ETHE1: variants seen among roughly 807,000 people sequenced by gnomAD.
ETHE1 encodes persulfide dioxygenase ETHE1, mitochondrial.
Under a neutral mutation model 25.7 loss-of-function variants are expected in ETHE1, and 16 were observed. The observed-to-expected ratio is 0.62, with a 90% CI of 0.42 to 0.95. The LOEUF is 0.95. ETHE1 is among the 40% of genes least tolerant of loss of function. The pLI, the probability that ETHE1 is intolerant of heterozygous loss-of-function variation, is 0.00. For missense variants in ETHE1, 300 were observed against 333.6 expected (o/e 0.90, Z 0.79); for synonymous variants, 139 against 135.9 (o/e 1.02, Z -0.16).
intron 6 of ETHE1, among the ~76,000 whole-genome samples, chr19:43,507,305 GT>G (rs1971797447): frequency 7.2e-6 from 1 of 138,592 alleles, no homozygotes; most frequent in Non-Finnish European, 1.6e-5. Context: ...AGACCCAGGA[GT>G]CCAGGCCCCC....
At chr19:43,519,016 T>G (rs1329227517) in intron 3 of ETHE1, among the ~76,000 whole-genome samples, 2 of 100,782 alleles carry the variant, frequency 2.0e-5, no homozygotes, top group African/African-American at 8.3e-5. Context: ...TTTTTTTTTT[T>G]TTTTTTTTTT....
At chr19:43,526,024 T>A in intron 3 of ETHE1, 177 bp downstream of exon 3, 2 of 851,376 alleles carry the variant, frequency 2.3e-6, no homozygotes, top group Non-Finnish European at 3.7e-6. Context: ...CTTGCCCCAG[T>A]GCCCCACCTG....
chr19:43,522,915 T>C (rs2682567), intron 3 of ETHE1, among the ~76,000 whole-genome samples: 31,267 of 152,102 alleles, frequency 0.21, 3,301 homozygotes, highest in Non-Finnish European at 0.23. Context: ...CTGTAAAAAC[T>C]GAAAATATTT....
chr19:43,522,560 T>A (rs181265583), intron 3 of ETHE1, among the ~76,000 whole-genome samples: 1 of 152,336 alleles, frequency 6.6e-6, no homozygotes, highest in African/African-American at 2.4e-5. Context: ...CACTGCAACC[T>A]CCACCTCCCG....
chr19:43,508,910 A>G (rs1419318919), intron 4 of ETHE1, 46 bp from the exon 5 acceptor site: 14 of 1,415,240 alleles, frequency 9.9e-6, no homozygotes, highest in Non-Finnish European at 1.4e-5. Flanking sequence ...AGGACAGAAG[A>G]CTCTAACCCC....
rs567375991 is a variant in ETHE1 at position 43,519,353 on chromosome 19, T to C, written c.375+6848A>G. ...TATATTTTGTACTATTATTTCAATGTAGATTTTAAAAAATTCAAAATAAGA... is the reference window on the plus strand; with the variant it reads ...TATATTTTGTACTATTATTTCAATGCAGATTTTAAAAAATTCAAAATAAGA... On this transcript the variant is annotated intron_variant, in intron 3 of 6. Coordinates refer to ENST00000292147, the MANE Select transcript of ETHE1 (RefSeq NM_014297.5). Among the ~76,000 whole-genome samples the C allele has an allele frequency of 7.9e-4, 121 of 152,272 alleles. 1 individual carries two copies. Among genetic ancestry groups the C allele is most frequent in the South Asian group, 1.9e-3 (9 of 4,826 alleles).
In ETHE1 at chr19:43,526,182, G is replaced by T. The variant is rs751243822; in HGVS notation, c.375+19C>A. 17 of 1,613,956 alleles carry T rather than the reference G, an allele frequency of 1.1e-5. No individual in the cohort carries two copies. In the South Asian group the frequency reaches 1.9e-4, roughly 18 times the overall value. On this transcript the variant is annotated intron_variant, in intron 3 of 6. Transcript: ENST00000292147. ...AAGTCCAGGCCACCACCCTCTTGGG[G>T]ACCCAGCACCCAACTCACGAAGCGC... is the stretch of plus-strand genomic sequence containing the variant.
At chr19:43,509,020 G>A (rs1038339015) in intron 4 of ETHE1, among the ~76,000 whole-genome samples, 156 bp from the exon 5 acceptor site, 4 of 152,194 alleles carry the variant, frequency 2.6e-5, no homozygotes, top group Non-Finnish European at 2.9e-5. Flanking sequence ...ACAGGGAAAG[G>A]CATTCTAGGC....
intron 3 of ETHE1, among the ~76,000 whole-genome samples, chr19:43,525,150 GAAAGA>G (rs1345959308): frequency 7.3e-6 from 1 of 136,546 alleles, no homozygotes; most frequent in East Asian, 2.4e-4. Flanking sequence ...AAGAAAGAAA[GAAAGA>G]AAAAAAAAAA....
At chr19:43,509,610 A>T (rs1399534489) in intron 4 of ETHE1, among the ~76,000 whole-genome samples, 2 of 151,960 alleles carry the variant, frequency 1.3e-5, no homozygotes, top group African/African-American at 4.8e-5. Flanking sequence ...CCTGGCTAAC[A>T]TGGTAAAACC....
At chr19:43,508,927 C>G in intron 4 of ETHE1, 63 bp from the exon 5 acceptor site, 3 of 1,236,580 alleles carry the variant, frequency 2.4e-6, no homozygotes, top group Non-Finnish European at 3.5e-6. Context: ...CCCCTTCCTT[C>G]AAGAAAAGGG....
intron 3 of ETHE1, among the ~76,000 whole-genome samples, chr19:43,524,830 C>A (rs554055073): frequency 1.4e-3 from 205 of 150,308 alleles, no homozygotes; most frequent in South Asian, 2.5e-3. Flanking sequence ...ACAACAACAA[C>A]AAAAAAGGGT....
At chr19:43,524,566 G>A (rs1972202510) in intron 3 of ETHE1, among the ~76,000 whole-genome samples, 1 of 152,064 alleles carries the variant, frequency 6.6e-6, no homozygotes, top group Non-Finnish European at 1.5e-5. Context: ...ACTCGAAATA[G>A]ATAAATTATA....
chr19:43,525,795 G>A (rs1324780474), intron 3 of ETHE1: 1 of 291,038 alleles, frequency 3.4e-6, no homozygotes, highest in South Asian at 3.3e-5. Context: ...CCTGGGCTCC[G>A]GGTTCTAAGC....
intron 3 of ETHE1, among the ~76,000 whole-genome samples, chr19:43,522,273 A>C (rs1972151415): frequency 6.6e-6 from 1 of 152,018 alleles, no homozygotes. Context: ...AATTGTTTAA[A>C]AATTAGCTGG....
At chr19:43,510,396 C>T (rs1971888228) in intron 4 of ETHE1, among the ~76,000 whole-genome samples, 3 of 144,816 alleles carry the variant, frequency 2.1e-5, no homozygotes, top group African/African-American at 7.8e-5. Flanking sequence ...AGTGCAGTGG[C>T]GCAATCTTGG....
Position 43,508,834 on chromosome 19 carries a change from T to C in ETHE1, c.536A>G (p.His179Arg), listed in dbSNP as rs781459210. 5.6e-6 allele frequency: 9 copies of C among 1,608,170 alleles called. No homozygotes were observed. Among genetic ancestry groups the C allele is most frequent in the Non-Finnish European group, 7.6e-6 (9 of 1,177,722 alleles). The change falls in exon 5 of 7, where the codon CAT (histidine) becomes CGT (arginine). Residue 179 changes from histidine (H) to arginine (R), a missense_variant. His to Arg is a conservative substitution (Grantham distance 29, BLOSUM62 0). Transcript: ENST00000292147. The stretch of plus-strand genomic sequence containing the variant: ...TCCTGGAAGTGTGAAGATCTTTTCA[T>C]GGACCGAGTGGTACAAGGTCTTGGC... ...GCAKTLYHSV[H>R]EKIFTLPGDC...
intron 1 of ETHE1, 105 bp from the exon 2 acceptor site, chr19:43,526,764 AACC>A: frequency 6.4e-7 from 1 of 1,574,306 alleles, no homozygotes; most frequent in Non-Finnish European, 8.6e-7. Context: ...CAGAAGCAGA[AACC>A]CCAGCCCACT....
At chr19:43,526,127 C>A in intron 3 of ETHE1, 74 bp downstream of exon 3, 7 of 1,604,516 alleles carry the variant, frequency 4.4e-6, no homozygotes, top group Non-Finnish European at 6.0e-6. Flanking sequence ...GGATCCCAGG[C>A]CCCCAGTCCC....
Sources: gnomAD v4.1 joint callset for allele counts (sites outside exome capture counted in the v4.1 genomes callset) on GRCh38, gnomAD v4.1.1 for gene constraint, MANE v1.5 for transcripts, NCBI Gene and HGNC (gene_info 2026-07-23, HGNC 2026-07-21) for gene names.